POU2F2: variants seen among roughly 807,000 people sequenced by gnomAD.
POU2F2 encodes the protein POU domain, class 2, transcription factor 2.
POU2F2 carries 14 observed loss-of-function variants against 63.5 expected under a neutral mutation model. The ratio of observed to expected loss-of-function variants is 0.22; its 90% confidence interval spans 0.15 to 0.34. POU2F2 has a LOEUF of 0.34. POU2F2 is among the 10% of genes least tolerant of loss of function. The probability of loss-of-function intolerance (pLI) is 1.00; values close to 1 mark genes in which losing one functional copy is unlikely to be tolerated. For missense variants in POU2F2, 607 were observed against 815.2 expected, an observed-to-expected ratio of 0.74 and a Z score of 3.11; for synonymous variants, 306 against 348.6, an observed-to-expected ratio of 0.88 and a Z score of 1.36.
rs538458048 is a variant in POU2F2, at chr19:42,100,204, A to G, written c.370-383T>C. 6.2e-4 allele frequency among the ~76,000 whole-genome samples: 81 copies of G among 130,180 alleles called. 1 individual carries two copies. The highest frequency in any genetic ancestry group is 2.3e-3 in the African/African-American group (77 of 33,418). The allele number at this position is 130,180 out of a possible 152,430, so 85.4% of individuals were successfully genotyped here. ...CCTCCTGGGTTCACGCCATTCTCCT[A>G]CCTCAGCCTCCCAAGTAGCTGGGAC... is the stretch of plus-strand genomic sequence containing the variant. On this transcript the variant is annotated intron_variant, in intron 5 of 14. Coordinates refer to ENST00000692977, the MANE Select transcript of POU2F2 (RefSeq NM_001394376.1).
At chr19:42,184,499 T>C (rs749867659) in intron 1 of POU2F2, among the ~76,000 whole-genome samples, 12 of 152,132 alleles carry the variant, frequency 7.9e-5, no homozygotes, top group Non-Finnish European at 1.5e-4. Flanking sequence ...CTGGATTCCA[T>C]GTGGCCACTG....
intron 5 of POU2F2, among the ~76,000 whole-genome samples, chr19:42,108,369 T>C (rs12327817): frequency 2.0e-5 from 3 of 152,000 alleles, no homozygotes; most frequent in African/African-American, 7.3e-5. Context: ...GACAGGTGGA[T>C]TGCTTGAGCC....
At chr19:42,197,480 T>C (rs1360245469), upstream of POU2F2, among the ~76,000 whole-genome samples, 1 of 152,052 alleles carries the variant, frequency 6.6e-6, no homozygotes, top group Non-Finnish European at 1.5e-5. Context: ...GGGTCGAAAT[T>C]CCAGAACAGG....
intron 1 of POU2F2, among the ~76,000 whole-genome samples, chr19:42,192,815 C>A (rs2035087936): frequency 6.6e-6 from 1 of 152,172 alleles, no homozygotes; most frequent in African/African-American, 2.4e-5. Context: ...TCTGACAACA[C>A]ATAGTATTGG....
At chr19:42,130,830 G>T (rs1237661860) in intron 1 of POU2F2, among the ~76,000 whole-genome samples, 1 of 151,084 alleles carries the variant, frequency 6.6e-6, no homozygotes, top group Non-Finnish European at 1.5e-5. Context: ...TGTTTTCAGG[G>T]CTCCTACGAT....
intron 2 of POU2F2, among the ~76,000 whole-genome samples, chr19:42,142,950 T>C (rs1206431283): frequency 6.6e-6 from 1 of 152,144 alleles, no homozygotes; most frequent in Non-Finnish European, 1.5e-5. Context: ...AAAGTGAGAA[T>C]TGTAGTTACC....
intron 2 of POU2F2, among the ~76,000 whole-genome samples, chr19:42,146,741 G>A (rs985028793): frequency 6.6e-6 from 1 of 152,192 alleles, no homozygotes; most frequent in Non-Finnish European, 1.5e-5. Flanking sequence ...TTCACATGGA[G>A]AACATTAAAT....
intron 2 of POU2F2, among the ~76,000 whole-genome samples, chr19:42,145,179 A>T (rs2034205378): frequency 6.6e-6 from 1 of 152,252 alleles, no homozygotes; most frequent in African/African-American, 2.4e-5. Flanking sequence ...CCTTATAAAT[A>T]TCAGTTAACG....
intron 1 of POU2F2, among the ~76,000 whole-genome samples, chr19:42,166,912 T>G (rs1048255218): frequency 1.3e-5 from 2 of 151,908 alleles, no homozygotes; most frequent in Admixed American, 1.3e-4. Flanking sequence ...AGGTGATATA[T>G]TGGGCAAGTA....
Position 42,159,861 on chromosome 19 carries a change from G to A in POU2F2, c.-9+471C>T, listed in dbSNP as rs561549933. ...TTGACAGATGGGGAAACTGAGCCAT[G>A]CCCAGGATCACTCAGCCACCTGGCT... On this transcript the variant is annotated intron_variant, in intron 2 of 6. Transcript: ENST00000524801. Among the ~76,000 whole-genome samples the A allele has an allele frequency of 2.0e-5, 3 of 152,298 alleles. No homozygotes were observed. In the East Asian group the frequency reaches 5.8e-4, roughly 29 times the overall value.
In POU2F2 at chr19:42,091,863, G is replaced by T; in HGVS notation, c.1540+4C>A. 6.5e-7 allele frequency: 1 copy of T among 1,538,750 alleles called. No individual in the cohort carries two copies. The highest frequency in any genetic ancestry group is 8.7e-7 in the Non-Finnish European group (1 of 1,146,898). On this transcript the variant is annotated splice_donor_region_variant and intron_variant, in intron 14 of 14. Transcript: ENST00000692977. ...CGATGGGTGTGACATGAGGCAGCAC[G>T]CACCTTGGATAGTGGCCAAAGGGTT...
chr19:42,135,357 G>A (rs1487896657), upstream of POU2F2, among the ~76,000 whole-genome samples: 1 of 152,020 alleles, frequency 6.6e-6, no homozygotes, highest in East Asian at 1.9e-4. Context: ...CTAAGCACAC[G>A]GGGCTTCAGC....
rs1400943285 is a variant in POU2F2, at chr19:42,088,264, CT to C, written c.*2992del. 6.0e-5 allele frequency: 9 copies of C among 150,846 alleles called. No individual in the cohort carries two copies. Among genetic ancestry groups the C allele is most frequent in the African/African-American group, 2.2e-4 (9 of 41,164 alleles). 9.3% of individuals were successfully genotyped at this position (150,846 alleles called of 1,614,324 possible). The stretch of plus-strand genomic sequence containing the variant: ...TTCCCCCTCCCAGGAATTTTTTTTT[CT>C]TGTTTTTCTTTTCCTAGGTGTGAGG... On this transcript the variant is annotated 3_prime_UTR_variant, in exon 15 of 15. Coordinates refer to ENST00000692977, the MANE Select transcript of POU2F2 (RefSeq NM_001394376.1).
intron 1 of POU2F2, among the ~76,000 whole-genome samples, chr19:42,175,571 AAG>A (rs1471655388): frequency 1.3e-5 from 2 of 152,114 alleles, no homozygotes; most frequent in Non-Finnish European, 2.9e-5. Context: ...GAGGAGGAGA[AAG>A]AGCTTTTATT....
chr19:42,167,812 G>A (rs1264066879), intron 1 of POU2F2, among the ~76,000 whole-genome samples: 2 of 152,108 alleles, frequency 1.3e-5, no homozygotes, highest in South Asian at 2.1e-4. Context: ...TTGCCTATGG[G>A]GCCTTCTGAC....
At chr19:42,128,619 C>T (rs2033413587) in intron 1 of POU2F2, among the ~76,000 whole-genome samples, 2 of 152,144 alleles carry the variant, frequency 1.3e-5, no homozygotes, top group African/African-American at 2.4e-5. Context: ...AGCCAAATGA[C>T]GCCTTAACAG....
chr19:42,148,222 T>C (rs1180918592), intron 2 of POU2F2, among the ~76,000 whole-genome samples: 1 of 151,774 alleles, frequency 6.6e-6, no homozygotes, highest in East Asian at 1.9e-4. Context: ...GTTCTTGTGC[T>C]CACATCCTGG....
chr19:42,100,865 C>T lies in POU2F2; in HGVS notation c.370-1044G>A, dbSNP rs375621041. Among the ~76,000 whole-genome samples, 17 of 152,084 alleles carry T rather than the reference C, an allele frequency of 1.1e-4. 1 individual carries two copies. In the South Asian group the frequency reaches 3.1e-3, roughly 28 times the overall value. On this transcript the variant is annotated intron_variant, in intron 5 of 14. Coordinates refer to ENST00000692977, the MANE Select transcript of POU2F2 (RefSeq NM_001394376.1). ...CTGTAATCCCAGCAATTTGGGAGGC[C>T]GAGCCAGGCGGATCACGAGGTCAGG...
chr19:42,165,400 C>G (rs922729211), intron 1 of POU2F2, among the ~76,000 whole-genome samples: 3 of 152,166 alleles, frequency 2.0e-5, no homozygotes, highest in Non-Finnish European at 4.4e-5. Flanking sequence ...GGAGGGAAAA[C>G]GAAGACCCAG....
Sources: gnomAD v4.1 joint callset for allele counts (sites outside exome capture counted in the v4.1 genomes callset) on GRCh38, gnomAD v4.1.1 for gene constraint, MANE v1.5 for transcripts, NCBI Gene and HGNC (gene_info 2026-07-23, HGNC 2026-07-21) for gene names.